Variants in DNM3 observed in about 807,000 individuals in gnomAD.
DNM3 encodes the protein dynamin-3.
DNM3 carries 47 observed loss-of-function variants against 101.6 expected under a neutral mutation model. That is an observed-to-expected ratio of 0.46 (90% CI 0.37 to 0.59). The LOEUF (loss-of-function observed/expected upper bound fraction) is 0.59, where lower values mean the gene tolerates loss of function less well. DNM3 is among the 20% of genes least tolerant of loss of function. The probability of loss-of-function intolerance (pLI) is 0.00; values close to 1 mark genes in which losing one functional copy is unlikely to be tolerated. For synonymous variants in DNM3, 385 were observed against 387.9 expected, an observed-to-expected ratio of 0.99 and a Z score of 0.09; for missense variants, 849 against 1,085.7, an observed-to-expected ratio of 0.78 and a Z score of 3.06.
chr1:171,887,834 T>G (rs1003478214), intron 1 of DNM3, among the ~76,000 whole-genome samples: 2 of 152,158 alleles, frequency 1.3e-5, no homozygotes, highest in Non-Finnish European at 2.9e-5. Flanking sequence ...GGTAAATTAT[T>G]TTAAGGCATC....
intron 2 of DNM3, among the ~76,000 whole-genome samples, chr1:171,948,930 T>C (rs1157732956): frequency 6.6e-6 from 1 of 152,214 alleles, no homozygotes; most frequent in Non-Finnish European, 1.5e-5. Flanking sequence ...TTAGATAGAT[T>C]GTTTAGGAAG....
chr1:172,382,825 A>T (rs957673480), intron 18 of DNM3, among the ~76,000 whole-genome samples: 9 of 152,110 alleles, frequency 5.9e-5, no homozygotes, highest in South Asian at 2.1e-4. Context: ...AGGAATTTTT[A>T]AAAAAACCAA....
chr1:172,089,900 G>A lies in DNM3; in HGVS notation c.1494-2924G>A, dbSNP rs539496025. Among the ~76,000 whole-genome samples, 4 of 152,264 alleles carry A rather than the reference G, an allele frequency of 2.6e-5. No individual in the cohort carries two copies. The South Asian group carries it at 8.3e-4, about 32-fold the overall frequency. On this transcript the variant is annotated intron_variant, in intron 12 of 20. Transcript: ENST00000627582. Reference sequence around the variant, plus strand: ...AAGAAACAACTTGTTTAGTCCTCTAGCCCTCCTCTCTGTCTCTGTTTCTGT... The same window carrying A: ...AAGAAACAACTTGTTTAGTCCTCTAACCCTCCTCTCTGTCTCTGTTTCTGT...
chr1:172,090,283 G>A (rs948149083), intron 12 of DNM3, among the ~76,000 whole-genome samples: 5 of 152,194 alleles, frequency 3.3e-5, no homozygotes, highest in Non-Finnish European at 5.9e-5. Flanking sequence ...ATTCCTGGAA[G>A]AGCAGGAAGC....
At chr1:171,892,501 G>C (rs2037378310) in intron 1 of DNM3, among the ~76,000 whole-genome samples, 1 of 152,118 alleles carries the variant, frequency 6.6e-6, no homozygotes, top group Non-Finnish European at 1.5e-5. Flanking sequence ...TATGAGTTTA[G>C]ACTGATGTCT....
intron 4 of DNM3, among the ~76,000 whole-genome samples, chr1:171,998,395 G>A (rs913119072): frequency 6.6e-6 from 1 of 152,080 alleles, no homozygotes. Flanking sequence ...CATCCACAAA[G>A]CACTCAGTGA....
chr1:171,846,548 A>G (rs1485289712), intron 1 of DNM3, among the ~76,000 whole-genome samples: 1 of 152,198 alleles, frequency 6.6e-6, no homozygotes, highest in Non-Finnish European at 1.5e-5. Context: ...ACCTTTTGCT[A>G]TGGCTAGTAA....
intron 14 of DNM3, chr1:172,140,689 C>A (rs191617166): frequency 8.9e-4 from 135 of 151,682 alleles, no homozygotes; most frequent in African/African-American, 2.6e-3. Context: ...TTTTTTGAGC[C>A]AGAAAAACCA....
At chr1:172,039,172 A>AGAG (rs1458441031) in intron 7 of DNM3, among the ~76,000 whole-genome samples, 14 of 151,886 alleles carry the variant, frequency 9.2e-5, no homozygotes, top group Admixed American at 3.9e-4. Context: ...CAGTTCCTTT[A>AGAG]TCCTGTGCTG....
intron 1 of DNM3, among the ~76,000 whole-genome samples, chr1:171,897,519 C>T (rs1363622801): frequency 5.9e-5 from 9 of 152,140 alleles, no homozygotes; most frequent in Non-Finnish European, 1.3e-4. Context: ...AGTGAATAAT[C>T]ATGTCTATCT....
intron 1 of DNM3, among the ~76,000 whole-genome samples, chr1:171,850,414 G>A (rs1271366250): frequency 6.6e-6 from 1 of 152,058 alleles, no homozygotes; most frequent in East Asian, 1.9e-4. Flanking sequence ...CTTATCTAGT[G>A]GAGGTTTAGA....
chr1:172,234,493 A>C (rs913445445), intron 14 of DNM3, among the ~76,000 whole-genome samples: 2 of 152,162 alleles, frequency 1.3e-5, no homozygotes, highest in Non-Finnish European at 2.9e-5. Flanking sequence ...CATCCCCATC[A>C]AGCTACCAAT....
chr1:172,416,999 T>A (rs1385042430), downstream of DNM3, among the ~76,000 whole-genome samples: 1 of 152,208 alleles, frequency 6.6e-6, no homozygotes, highest in African/African-American at 2.4e-5. Context: ...GATCATTTTT[T>A]ACCACTGCCC....
intron 18 of DNM3, among the ~76,000 whole-genome samples, chr1:172,385,484 C>A (rs2069131550): frequency 6.6e-6 from 1 of 152,230 alleles, no homozygotes; most frequent in African/African-American, 2.4e-5. Context: ...CAGAGGGTTT[C>A]CTAAATACAT....
intron 14 of DNM3, among the ~76,000 whole-genome samples, chr1:172,162,224 A>T (rs1205755108): frequency 6.6e-6 from 1 of 151,870 alleles, no homozygotes; most frequent in East Asian, 1.9e-4. Context: ...TTATTTATAC[A>T]GTTTTTTCTA....
At chr1:171,860,301 T>C (rs1051026432) in intron 1 of DNM3, among the ~76,000 whole-genome samples, 4 of 152,178 alleles carry the variant, frequency 2.6e-5, no homozygotes, top group Non-Finnish European at 5.9e-5. Flanking sequence ...AACTATAAAT[T>C]TTGTGAACTT....
rs558308824 is a variant in DNM3 at position 172,314,823 on chromosome 1, C to G, written c.1881+5984C>G. 1.4e-4 allele frequency among the ~76,000 whole-genome samples: 21 copies of G among 152,300 alleles called. No individual in the cohort carries two copies. In the South Asian group the frequency reaches 1.9e-3, roughly 14 times the overall value. ...CCTCTGGGGGCAGGGCACAGACAAA[C>G]AAAAAGACAGCAGTAACCTCTGCAG... is the stretch of plus-strand genomic sequence containing the variant. On this transcript the variant is annotated intron_variant, in intron 16 of 20. Transcript: ENST00000627582.
At chr1:172,050,441 G>A (rs2050125995) in intron 10 of DNM3, among the ~76,000 whole-genome samples, 1 of 144,752 alleles carries the variant, frequency 6.9e-6, no homozygotes, top group Admixed American at 7.1e-5. Flanking sequence ...TTAGCCAGTT[G>A]CACTTATTTT....
intron 17 of DNM3, among the ~76,000 whole-genome samples, chr1:172,348,250 T>C (rs999641953): frequency 2.0e-4 from 30 of 152,126 alleles, no homozygotes; most frequent in African/African-American, 6.5e-4. Context: ...AGGTTGAGAA[T>C]TTTCTAAAAT....
Sources: gnomAD v4.1 joint callset for allele counts (sites outside exome capture counted in the v4.1 genomes callset) on GRCh38, gnomAD v4.1.1 for gene constraint, MANE v1.5 for transcripts, NCBI Gene and HGNC (gene_info 2026-07-23, HGNC 2026-07-21) for gene names.